VSIG1: variants seen among roughly 807,000 people sequenced by gnomAD.
VSIG1 encodes the protein V-set and immunoglobulin domain containing 1, also known as V-set and immunoglobulin domain-containing protein 1.
VSIG1 carries 11 observed loss-of-function variants against 20.1 expected under a neutral mutation model. That is an observed-to-expected ratio of 0.55 (90% CI 0.34 to 0.91). The LOEUF (loss-of-function observed/expected upper bound fraction) is 0.91, where lower values mean the gene tolerates loss of function less well. Ranked by LOEUF, VSIG1 falls within the 40% of genes least tolerant of loss-of-function variation. VSIG1 has a pLI of 0.02. For synonymous variants in VSIG1, 126 were observed against 116.7 expected (o/e 1.08, Z -0.52); for missense variants, 283 against 298.8 (o/e 0.95, Z 0.39).
At chrX:108,032,182 AT>A in the VSIG1 span, among the ~76,000 whole-genome samples, 1 of 112,439 alleles carries the variant, frequency 8.9e-6, no homozygotes, top group Non-Finnish European at 1.9e-5. Context: ...CTGTATCGTC[AT>A]TTCATGTCAA....
In VSIG1 at chrX:108,053,205, G is replaced by A. The variant is rs1279303431; in HGVS notation, c.50-4833G>A. Reference sequence around the variant, plus strand: ...TAAAGAGCAATCAGGAAGGATGAAAGGACAACAGAAAGAGCAGAAATGTAA... The same window carrying A: ...TAAAGAGCAATCAGGAAGGATGAAAAGACAACAGAAAGAGCAGAAATGTAA... On this transcript the variant is annotated intron_variant, in intron 1 of 6. Transcript: ENST00000217957. 2.7e-5 allele frequency among the ~76,000 whole-genome samples: 3 copies of A among 112,295 alleles called. No homozygotes were observed. The East Asian group carries it at 8.3e-4, about 31-fold the overall frequency.
At chrX:108,068,037 T>C (rs959619118) in intron 3 of VSIG1, among the ~76,000 whole-genome samples, 2 of 112,112 alleles carry the variant, frequency 1.8e-5, no homozygotes, top group Non-Finnish European at 3.8e-5. Context: ...AGGAACTACA[T>C]CAAATCAGTG....
chrX:108,050,334 A>C (rs183171268), intron 1 of VSIG1, among the ~76,000 whole-genome samples: 13 of 111,560 alleles, frequency 1.2e-4, no homozygotes, highest in African/African-American at 3.9e-4. Context: ...ATCTTTCATA[A>C]TTTCTGTATC....
chrX:108,047,903 T>TATACAC (rs1555980337), intron 1 of VSIG1, among the ~76,000 whole-genome samples: 4 of 17,388 alleles, frequency 2.3e-4, no homozygotes, highest in Non-Finnish European at 3.2e-4. Context: ...TATATATATA[T>TATACAC]ACACATATAT....
At chrX:108,047,831 C>CATAT (rs1315556430) in intron 1 of VSIG1, among the ~76,000 whole-genome samples, 1 of 32,576 alleles carries the variant, frequency 3.1e-5, no homozygotes, top group Non-Finnish European at 6.0e-5. Flanking sequence ...CATATATATA[C>CATAT]ACATATATAT....
the VSIG1 span, among the ~76,000 whole-genome samples, chrX:108,029,960 G>C: frequency 8.9e-6 from 1 of 112,073 alleles, no homozygotes; most frequent in African/African-American, 3.2e-5. Flanking sequence ...TGTTTTAAAA[G>C]AAGACTCAAC....
intron 1 of VSIG1, among the ~76,000 whole-genome samples, chrX:108,049,084 T>C (rs1234416066): frequency 8.9e-6 from 1 of 112,328 alleles, no homozygotes; most frequent in African/African-American, 3.2e-5. Context: ...ATTGGGAATC[T>C]GGGCAATAAA....
chrX:108,045,180 G>A lies in VSIG1; in HGVS notation c.49+1G>A. The A allele has an allele frequency of 8.5e-7, 1 of 1,180,881 alleles. No individual in the cohort carries two copies. The highest frequency in any genetic ancestry group is 3.0e-5 in the East Asian group (1 of 32,987). On this transcript the variant is annotated splice_donor_variant, in intron 1 of 6. Coordinates refer to ENST00000217957, the MANE Select transcript of VSIG1 (RefSeq NM_182607.5). LOFTEE classifies it high-confidence loss of function. ...TTTCTGATCCTAAGCTGCCTTGCAGGTAAGGAAAGGATCTCCAAACCACCA... is the reference window on the plus strand; with the variant it reads ...TTTCTGATCCTAAGCTGCCTTGCAGATAAGGAAAGGATCTCCAAACCACCA...
At chrX:108,030,048 T>A in the VSIG1 span, among the ~76,000 whole-genome samples, 2 of 112,279 alleles carry the variant, frequency 1.8e-5, no homozygotes, top group Admixed American at 1.9e-4. Flanking sequence ...TGTAAATATG[T>A]TATCTGGTTT....
chrX:108,036,710 T>C, the VSIG1 span, among the ~76,000 whole-genome samples: 1 of 112,143 alleles, frequency 8.9e-6, no homozygotes, highest in South Asian at 3.7e-4. Context: ...CCTCCTTCAA[T>C]ACGCCCTTGA....
intron 2 of VSIG1, among the ~76,000 whole-genome samples, chrX:108,061,700 A>G (rs1042977554): frequency 3.6e-5 from 4 of 110,197 alleles, no homozygotes; most frequent in Admixed American, 2.9e-4. Flanking sequence ...ACCTTCTCAC[A>G]TCCATGTCTG....
chrX:108,054,667 G>T (rs377753511), intron 1 of VSIG1, among the ~76,000 whole-genome samples: 1 of 110,600 alleles, frequency 9.0e-6, no homozygotes, highest in Non-Finnish European at 1.9e-5. Flanking sequence ...TAGCAGAAAA[G>T]TATCTAAACA....
chrX:108,041,481 C>CT (rs1177026027), upstream of VSIG1, among the ~76,000 whole-genome samples: 1 of 109,762 alleles, frequency 9.1e-6, no homozygotes, highest in East Asian at 2.9e-4. Context: ...ATAAAAATAC[C>CT]TTTTTTAAGG....
At chrX:108,039,961 A>G in the VSIG1 span, among the ~76,000 whole-genome samples, 1 of 111,359 alleles carries the variant, frequency 9.0e-6, no homozygotes, top group African/African-American at 3.3e-5. Context: ...TAATATTTCT[A>G]TAGTCTTGGA....
At chrX:108,052,162 T>A (rs760927640) in intron 1 of VSIG1, among the ~76,000 whole-genome samples, 218 of 111,619 alleles carry the variant, frequency 2.0e-3, no homozygotes, top group Non-Finnish European at 3.6e-3. Context: ...GTGTACACTG[T>A]TCGGGTAATG....
intron 3 of VSIG1, among the ~76,000 whole-genome samples, chrX:108,071,750 A>G (rs770389658): frequency 7.2e-5 from 8 of 110,467 alleles, no homozygotes; most frequent in Non-Finnish European, 1.5e-4. Flanking sequence ...CACAGAAGGC[A>G]TGGGTGCTTG....
rs754479061 is a variant in VSIG1 at position 108,058,042 on chromosome X, G to A, written c.54G>A (p.Gln18=). The A allele has an allele frequency of 8.3e-7, 1 of 1,205,701 alleles. No homozygotes were observed. Among genetic ancestry groups the A allele is most frequent in the African/African-American group, 1.8e-5 (1 of 56,878 alleles). ...VFLILSCLAG[Q]VSVVQVTIPD... ...TTTTTATGATTATCTTTTCAGGTCA[G>A]GTTAGTGTGGTGCAAGTGACCATCC... The change falls in exon 2 of 7, where the codon CAG becomes CAA. Residue 18 remains glutamine (Q), a synonymous_variant. Transcript: ENST00000217957.
chrX:108,073,455 G>A (rs2031293083), intron 5 of VSIG1, 86 bp downstream of exon 5: 3 of 1,070,042 alleles, frequency 2.8e-6, no homozygotes, highest in Non-Finnish European at 3.8e-6. Flanking sequence ...AGGATCCCCA[G>A]TTAGTGCTTC....
intron 2 of VSIG1, among the ~76,000 whole-genome samples, chrX:108,065,699 A>G (rs980465733): frequency 4.5e-5 from 5 of 111,817 alleles, no homozygotes; most frequent in African/African-American, 1.6e-4. Flanking sequence ...CTTAAAAAAT[A>G]TCTACCTTAA....
Sources: allele counts gnomAD v4.1 joint callset (sites outside exome capture counted in the v4.1 genomes callset), GRCh38; gene constraint gnomAD v4.1.1; transcripts MANE v1.5; gene names NCBI Gene and HGNC (gene_info 2026-07-23, HGNC 2026-07-21).